The following PER2 variants were observed in gnomAD, a reference collection of about 807,000 sequenced individuals.
The protein encoded by PER2 is period circadian protein homolog 2.
PER2 carries 66 observed loss-of-function variants against 121.0 expected under a neutral mutation model. That is an observed-to-expected ratio of 0.55 (90% confidence interval 0.45 to 0.67). The LOEUF (loss-of-function observed/expected upper bound fraction) is 0.67. PER2 is among the 30% of genes least tolerant of loss of function. The pLI, the probability that PER2 is intolerant of heterozygous loss-of-function variation, is 0.00. For missense variants in PER2, 1,521 were observed against 1,635.0 expected (o/e 0.93, Z 1.20); for synonymous variants, 684 against 659.9 (o/e 1.04, Z -0.56).
rs10181401 is a variant in PER2, at chr2:238,246,073, T to A, written c.*302A>T. 9,231 of 219,556 alleles carry A rather than the reference T, an allele frequency of 0.042. 896 individuals are homozygous for A. The highest frequency in any genetic ancestry group is 0.19 in the African/African-American group (8,565 of 44,156). 13.6% of individuals were successfully genotyped at this position (219,556 alleles called of 1,614,324 possible). On this transcript the variant is annotated 3_prime_UTR_variant, in exon 23 of 23. Coordinates refer to ENST00000254657, the MANE Select transcript of PER2 (RefSeq NM_022817.3). Reference sequence around the variant, plus strand: ...GACTTCTGGGAGCACTGAGGCAACTTCCCTGACACTAAGAGGCGCTTAGTC... The same window carrying A: ...GACTTCTGGGAGCACTGAGGCAACTACCCTGACACTAAGAGGCGCTTAGTC...
rs537801860 is a variant in PER2, at chr2:238,260,968, G to A, written c.1417-15C>T. On this transcript the variant is annotated splice_polypyrimidine_tract_variant and intron_variant, in intron 12 of 22. Coordinates refer to ENST00000254657, the MANE Select transcript of PER2 (RefSeq NM_022817.3). ...TGGGGGACGGGCTGGGGAGACAGCA[G>A]ACAGCGCTACAGACACAGCCAGGGC... is the stretch of plus-strand genomic sequence containing the variant. 4 of 1,611,110 alleles carry A rather than the reference G, an allele frequency of 2.5e-6. No individual in the cohort carries two copies. The highest frequency in any genetic ancestry group is 3.4e-6 in the Non-Finnish European group (4 of 1,179,850).
chr2:238,258,176 C>T lies in PER2; in HGVS notation c.1900+100G>A, dbSNP rs1397342430. On this transcript the variant is annotated intron_variant, in intron 16 of 22. Coordinates refer to ENST00000254657, the MANE Select transcript of PER2 (RefSeq NM_022817.3). Reference sequence around the variant, plus strand: ...CTTTCATCATTTGAAAAACAGCCTACACCCTTACACTGTGTCCACAGAAGC... The same window carrying T: ...CTTTCATCATTTGAAAAACAGCCTATACCCTTACACTGTGTCCACAGAAGC... 23 of 1,310,700 alleles carry T rather than the reference C, an allele frequency of 1.8e-5. 1 individual carries two copies. The highest frequency in any genetic ancestry group is 1.4e-4 in the South Asian group (12 of 84,250). 81.2% of individuals were successfully genotyped at this position (1,310,700 alleles called of 1,614,324 possible). A position where few individuals can be genotyped will look rare whatever the true frequency, so the allele number is the denominator to read the frequency against.
chr2:238,265,503 A>C lies in PER2; in HGVS notation c.1046+9T>G. 2 of 1,586,764 alleles carry C rather than the reference A, an allele frequency of 1.3e-6. No homozygotes were observed. The highest frequency in any genetic ancestry group is 1.7e-6 in the Non-Finnish European group (2 of 1,155,036). ...AACATGAAAAAGGGGGTGGGTCAAGACCACGTACCTTTCATCCACATCCTG... is the reference window on the plus strand; with the variant it reads ...AACATGAAAAAGGGGGTGGGTCAAGCCCACGTACCTTTCATCCACATCCTG... On this transcript the variant is annotated intron_variant, in intron 9 of 22. Transcript: ENST00000254657.
At chr2:238,262,688 C>T (rs2106378393) in intron 10 of PER2, among the ~76,000 whole-genome samples, 1 of 152,240 alleles carries the variant, frequency 6.6e-6, no homozygotes. Context: ...GCCACTGAAG[C>T]CAACAGTAAA....
intron 4 of PER2, among the ~76,000 whole-genome samples, chr2:238,273,712 C>A (rs980365195): frequency 2.0e-5 from 3 of 152,142 alleles, no homozygotes; most frequent in Non-Finnish European, 4.4e-5. Flanking sequence ...TGTCACCAGG[C>A]TGGAGTGCAG....
chr2:238,293,669 A>G (rs1332870140), upstream of PER2, among the ~76,000 whole-genome samples: 1 of 151,070 alleles, frequency 6.6e-6, no homozygotes, highest in Non-Finnish European at 1.5e-5. Flanking sequence ...CAGGAGGCAG[A>G]GGCTGCAGTG....
At chr2:238,277,085 T>C (rs758428221) in intron 3 of PER2, 46 bp downstream of exon 3, 2 of 1,390,218 alleles carry the variant, frequency 1.4e-6, no homozygotes, top group Admixed American at 1.7e-5. Flanking sequence ...AAGAAGTCTT[T>C]CAATTTCTCT....
chr2:238,258,143 T>C (rs1348858352), intron 16 of PER2, 133 bp downstream of exon 16: 6 of 1,014,118 alleles, frequency 5.9e-6, no homozygotes, highest in Non-Finnish European at 9.2e-6. Flanking sequence ...GTGCTGACTT[T>C]TGAACTACTT....
intron 1 of PER2, among the ~76,000 whole-genome samples, chr2:238,280,305 T>G (rs1696591951): frequency 6.6e-6 from 1 of 152,158 alleles, no homozygotes; most frequent in Non-Finnish European, 1.5e-5. Flanking sequence ...GCGGGGCTCA[T>G]GGAGAATCCA....
In PER2 at chr2:238,269,116, C is replaced by G. The variant is rs1696203908; in HGVS notation, c.773-142G>C. On this transcript the variant is annotated intron_variant, in intron 6 of 22. Transcript: ENST00000254657. The stretch of plus-strand genomic sequence containing the variant: ...AAATTTATGGAAGCACAAAGTAAAT[C>G]CTTTATGTGAGAAACCTTCTATTAC... The G allele has an allele frequency of 2.4e-5, 17 of 697,870 alleles. No individual in the cohort carries two copies. In the East Asian group the frequency reaches 4.3e-4, roughly 18 times the overall value. The allele number at this position is 697,870 out of a possible 1,614,324, so 43.2% of individuals were successfully genotyped here.
At chr2:238,286,637 T>C (rs925537861) in intron 1 of PER2, among the ~76,000 whole-genome samples, 3 of 152,350 alleles carry the variant, frequency 2.0e-5, no homozygotes, top group African/African-American at 7.2e-5. Flanking sequence ...ATTGTGTGTT[T>C]CTGGCTCCCT....
chr2:238,282,951 G>C (rs559645199), intron 1 of PER2, among the ~76,000 whole-genome samples: 1 of 152,058 alleles, frequency 6.6e-6, no homozygotes, highest in South Asian at 2.1e-4. Context: ...TTGCAGCCAC[G>C]TGCTTCAGCA....
In PER2 at chr2:238,273,957, C is replaced by T. The variant is rs536623623; in HGVS notation, c.449-766G>A. On this transcript the variant is annotated intron_variant, in intron 4 of 22. Coordinates refer to ENST00000254657, the MANE Select transcript of PER2 (RefSeq NM_022817.3). ...CTGGGATTACAGGCGTGAGCCACCGCGCCCGGCCCCTAGAAAGTCTTTAAT... is the reference window on the plus strand; with the variant it reads ...CTGGGATTACAGGCGTGAGCCACCGTGCCCGGCCCCTAGAAAGTCTTTAAT... Among the ~76,000 whole-genome samples the T allele has an allele frequency of 2.3e-4, 35 of 152,324 alleles. 1 individual carries two copies. The highest frequency in any genetic ancestry group is 7.2e-4 in the African/African-American group (30 of 41,574).
rs768439859 is a variant in PER2 at position 238,253,159 on chromosome 2, A to G, written c.2864T>C (p.Ile955Thr). Reference sequence around the variant, plus strand: ...TGGACAAGCACATGGCTGTCTGGGGATCGAGGTCCGGCTGGGGAACTCAGG... The same window carrying G: ...TGGACAAGCACATGGCTGTCTGGGGGTCGAGGTCCGGCTGGGGAACTCAGG... Reference protein sequence around the residue: ...SQPEFPSRTSIPRQPCACPAT... With the variant: ...SQPEFPSRTSTPRQPCACPAT... The change falls in exon 19 of 23, where the codon ATC becomes ACC. Residue 955 changes from isoleucine (I) to threonine (T), a missense_variant. Ile to Thr is a moderately conservative substitution (Grantham distance 89). Coordinates refer to ENST00000254657, the MANE Select transcript of PER2 (RefSeq NM_022817.3). This position sits in a 1 kb window ranked among gnomAD's most constrained non-coding sequence, Gnocchi z 5.6. 1 of 1,596,106 alleles carries G rather than the reference A, an allele frequency of 6.3e-7. No individual in the cohort carries two copies. Among genetic ancestry groups the G allele is most frequent in the Non-Finnish European group, 8.6e-7 (1 of 1,167,882 alleles).
At chr2:238,248,840 A>G (rs1574837638) in intron 22 of PER2, 1 of 520,376 alleles carries the variant, frequency 1.9e-6, no homozygotes, top group East Asian at 4.3e-5. Context: ...TATTTTTAGT[A>G]GAGACGGGGT....
intron 17 of PER2, 110 bp from the exon 18 acceptor site, chr2:238,256,021 G>A: frequency 7.5e-7 from 1 of 1,335,174 alleles, no homozygotes; most frequent in Admixed American, 1.8e-5. Flanking sequence ...GTAATTTCAT[G>A]ATGCCTGTGG....
chr2:238,260,861 G>A lies in PER2; in HGVS notation c.1509C>T (p.Ser503=). ...TCCGGCGTGAGTCCTCATGGCCGTT[G>A]CTGTCGCTGGAGGAGGTCTGGCTCA... ...HLMSQTSSSD[S]NGHEDSRRRR... The change falls in exon 13 of 23, where the codon AGC becomes AGT. Residue 503 remains serine, a synonymous_variant. Coordinates refer to ENST00000254657, the MANE Select transcript of PER2 (RefSeq NM_022817.3). 1 of 1,614,038 alleles carries A rather than the reference G, an allele frequency of 6.2e-7. No homozygotes were observed. Among genetic ancestry groups the A allele is most frequent in the Non-Finnish European group, 8.5e-7 (1 of 1,180,008 alleles).
At chr2:238,279,023 TG>T (rs2106326523) in intron 1 of PER2, among the ~76,000 whole-genome samples, 1 of 151,612 alleles carries the variant, frequency 6.6e-6, no homozygotes, top group Non-Finnish European at 1.5e-5. Flanking sequence ...GCGATCATCC[TG>T]GACACAAACT....
chr2:238,275,407 G>C (rs1696421374), intron 4 of PER2, among the ~76,000 whole-genome samples: 2 of 152,216 alleles, frequency 1.3e-5, no homozygotes, highest in Non-Finnish European at 2.9e-5. Flanking sequence ...AAAAAGGCCA[G>C]GCCAGGCACA....
Sources: allele counts gnomAD v4.1 joint callset (sites outside exome capture counted in the v4.1 genomes callset), GRCh38; gene constraint gnomAD v4.1.1; non-coding constraint Gnocchi (gnomAD v3.1); transcripts MANE v1.5; gene names NCBI Gene and HGNC (gene_info 2026-07-23, HGNC 2026-07-21).